HHATL: variants seen among roughly 807,000 people sequenced by gnomAD.
The protein encoded by HHATL is protein-cysteine N-palmitoyltransferase HHAT-like protein.
In HHATL, 49 loss-of-function variants were observed where a neutral mutation model predicts 59.7. That is an observed-to-expected ratio of 0.82 (90% CI 0.65 to 1.04). The LOEUF is 1.04. Ranked by LOEUF, HHATL falls within the 50% of genes least tolerant of loss-of-function variation. The pLI is 0.00. For missense variants in HHATL, 605 were observed against 650.8 expected (o/e 0.93, Z 0.77); for synonymous variants, 238 against 257.3 (o/e 0.93, Z 0.72).
chr3:42,700,847 G>C lies in HHATL; in HGVS notation c.-13-8C>G, dbSNP rs1007997797. ...CCCATAGCCTGGACAGGGCTGGGGAGACAGGTTGGGTGAGGGAATTACAGT... is the reference window on the plus strand; with the variant it reads ...CCCATAGCCTGGACAGGGCTGGGGACACAGGTTGGGTGAGGGAATTACAGT... On this transcript the variant is annotated splice_region_variant and splice_polypyrimidine_tract_variant and intron_variant, in intron 1 of 11. Transcript: ENST00000441594. The C allele has an allele frequency of 4.4e-6, 7 of 1,585,998 alleles. No homozygotes were observed. Among genetic ancestry groups the C allele is most frequent in the Non-Finnish European group, 4.3e-6 (5 of 1,155,546 alleles).
At chr3:42,700,862 G>A (rs771129248) in intron 1 of HHATL, 23 bp from the exon 2 acceptor site, 8 of 1,526,456 alleles carry the variant, frequency 5.2e-6, no homozygotes, top group Non-Finnish European at 7.3e-6. Flanking sequence ...GTTGGGTGAG[G>A]GAATTACAGT....
chr3:42,697,481 G>C (rs746349300), intron 7 of HHATL, 27 bp downstream of exon 7: 1 of 1,603,978 alleles, frequency 6.2e-7, no homozygotes, highest in Admixed American at 1.7e-5. Context: ...CGGCAGCCCT[G>C]CCCCCATTTC....
At chr3:42,699,916 G>A (rs573950285) in intron 2 of HHATL, 91 bp from the exon 3 acceptor site, 9 of 1,024,414 alleles carry the variant, frequency 8.8e-6, no homozygotes, top group Admixed American at 2.2e-5. Flanking sequence ...CCTGGGGAGC[G>A]AGGGCATCAG....
At position 42,699,157 on chromosome 3, in the gene HHATL, C is replaced by T. The variant is rs377329274; in HGVS notation, c.175-12G>A. 125 of 1,607,518 alleles carry T rather than the reference C, an allele frequency of 7.8e-5. No individual in the cohort carries two copies. Among genetic ancestry groups the T allele is most frequent in the East Asian group, 4.7e-4 (21 of 44,860 alleles). On this transcript the variant is annotated splice_polypyrimidine_tract_variant and intron_variant, in intron 3 of 11. Transcript: ENST00000441594. ...AAGTCAGCCACATCCTGGGGCAGTC[C>T]GGGGCAGAAGGAGGTGGGGCAGGTG...
In HHATL at chr3:42,696,849, G is replaced by C; in HGVS notation, c.1039C>G (p.Leu347Val). 1.2e-6 allele frequency: 2 copies of C among 1,614,068 alleles called. No homozygotes were observed. The highest frequency in any genetic ancestry group is 1.7e-6 in the Non-Finnish European group (2 of 1,179,968). Residue 347 changes from leucine (L) to valine (V), a missense_variant, in exon 9 of 12, where the codon CTT becomes GTT. Physicochemically the swap from Leu to Val is conservative, Grantham distance 32. Transcript: ENST00000441594. Reference sequence around the variant, plus strand: ...CACCCCACTCCTACTCACTTGCAAAGCCAGTCGTTGATGCCACGGTCAAAG... The same window carrying C: ...CACCCCACTCCTACTCACTTGCAAACCCAGTCGTTGATGCCACGGTCAAAG... ...THFDRGINDWLCKYVYNHIGG... is the reference protein window; with the variant it reads ...THFDRGINDWVCKYVYNHIGG...
Position 42,693,733 on chromosome 3 carries a change from G to T in HHATL, c.1132C>A (p.Leu378Met), listed in dbSNP as rs566301459. ...ATVATFAITT[L>M]WLGPCDIVYL... ...ACAATGTCACAAGGCCCAAGCCACA[G>T]TGTGGTGATGGCAAATGTGGCCACT... Residue 378 changes from leucine to methionine, a missense_variant, in exon 10 of 12, where the codon CTG becomes ATG. Leu to Met is a conservative substitution (Grantham distance 15). Transcript: ENST00000441594. 3 of 1,614,100 alleles carry T rather than the reference G, an allele frequency of 1.9e-6. No homozygotes were observed. In the African/African-American group the frequency reaches 4.0e-5, roughly 22 times the overall value.
At position 42,694,181 on chromosome 3, in the gene HHATL, C is replaced by T. The variant is rs1009623073; in HGVS notation, c.1047-363G>A. 1.5e-5 allele frequency: 4 copies of T among 272,340 alleles called. No individual in the cohort carries two copies. In the Admixed American group the frequency reaches 1.9e-4, roughly 13 times the overall value. The allele number at this position is 272,340 out of a possible 1,614,324, so 16.9% of individuals were successfully genotyped here. ...TGATTGACAGATTCCCCTATCCCTG[C>T]TCAAACCCAGCTCCGTCCTCATCTC... On this transcript the variant is annotated intron_variant, in intron 9 of 11. Coordinates refer to ENST00000441594, the MANE Select transcript of HHATL (RefSeq NM_020707.4).
chr3:42,700,038 GTA>G, intron 2 of HHATL, among the ~76,000 whole-genome samples: 1 of 151,664 alleles, frequency 6.6e-6, no homozygotes, highest in Non-Finnish European at 1.5e-5. Context: ...GGGTGTGTGT[GTA>G]TATGTCTGTG....
chr3:42,698,905 G>A lies in HHATL; in HGVS notation c.289-3C>T, dbSNP rs1301638868. The A allele has an allele frequency of 1.2e-6, 2 of 1,605,478 alleles. No individual in the cohort carries two copies. The highest frequency in any genetic ancestry group is 1.7e-5 in the Admixed American group (1 of 59,336). ...ACAGCATACATCCAGGAGCGGAGCT[G>A]TGGGCAGGGAGAAGGCTTCAGTTTC... On this transcript the variant is annotated splice_region_variant and splice_polypyrimidine_tract_variant and intron_variant, in intron 4 of 11. Transcript: ENST00000441594.
Position 42,693,056 on chromosome 3 carries a change from C to A in HHATL, c.1390+21G>T, listed in dbSNP as rs760234905. On this transcript the variant is annotated intron_variant, in intron 11 of 11. Transcript: ENST00000441594. ...GGCTGATGCCTGGCACCTTCTGTAT[C>A]CCCACACCCCTGTCCCTCACCTGTG... is the stretch of plus-strand genomic sequence containing the variant. 4 of 1,613,556 alleles carry A rather than the reference C, an allele frequency of 2.5e-6. No individual in the cohort carries two copies. In the South Asian group the frequency reaches 4.4e-5, roughly 18 times the overall value.
In HHATL at chr3:42,693,650, T is replaced by G. The variant is rs1319568322; in HGVS notation, c.1215A>C (p.Lys405Asn). Reference sequence around the variant, plus strand: ...GTGCTAGGGGCCCCCACTCTGCCAGTTTTTGCATCCAGAGCTCAAAGTTGA... The same window carrying G: ...GTGCTAGGGGCCCCCACTCTGCCAGGTTTTGCATCCAGAGCTCAAAGTTGA... ...FGLNFELWMQ[K>N]LAEWGPLARI... The change falls in exon 10 of 12, where the codon AAA (lysine) becomes AAC (asparagine). Residue 405 changes from lysine to asparagine, a missense_variant. Coordinates refer to ENST00000441594, the MANE Select transcript of HHATL (RefSeq NM_020707.4). 6.2e-7 allele frequency: 1 copy of G among 1,613,752 alleles called. No individual in the cohort carries two copies. Among genetic ancestry groups the G allele is most frequent in the Non-Finnish European group, 8.5e-7 (1 of 1,179,916 alleles).
chr3:42,693,191 T>A lies in HHATL; in HGVS notation c.1276A>T (p.Arg426Trp). Residue 426 changes from arginine (R) to tryptophan (W), a missense_variant, in exon 11 of 12, where the codon AGG (arginine) becomes TGG (tryptophan). Coordinates refer to ENST00000441594, the MANE Select transcript of HHATL (RefSeq NM_020707.4). ...EASLSVQMSRRVRALFGAMNF... is the reference protein window; with the variant it reads ...EASLSVQMSRWVRALFGAMNF... The stretch of plus-strand genomic sequence containing the variant: ...ATGGCTCCAAACAGGGCCCGGACCC[T>A]ACGGGACATCTGCACTGACAGAGAG... 2 of 1,614,134 alleles carry A rather than the reference T, an allele frequency of 1.2e-6. No individual in the cohort carries two copies. The highest frequency in any genetic ancestry group is 1.7e-6 in the Non-Finnish European group (2 of 1,180,018).
Position 42,701,122 on chromosome 3 carries a change from A to C in HHATL, c.-13-283T>G. The C allele has an allele frequency of 5.0e-6, 2 of 401,156 alleles. No individual in the cohort carries two copies. Among genetic ancestry groups the C allele is most frequent in the Non-Finnish European group, 9.2e-6 (2 of 218,288 alleles). The allele number at this position is 401,156 out of a possible 1,614,324, so 24.8% of individuals were successfully genotyped here. ...GCCTGCCTCCCTCACCTTCATTTAC[A>C]TCTTCATACCTTCCAGAGGCACCGG... On this transcript the variant is annotated intron_variant, in intron 1 of 11. Coordinates refer to ENST00000441594, the MANE Select transcript of HHATL (RefSeq NM_020707.4). The surrounding 1 kb of genome is among the most constrained non-coding windows in gnomAD (Gnocchi z 5.1).
rs2125847940 is a variant in HHATL, at chr3:42,693,238, A to G, written c.1249-20T>C. ...AGAGGCCTATCCGGTCCAGGAAAGC[A>G]TGGGCAGCGGGACAAGAGGCCAAAG... On this transcript the variant is annotated intron_variant, in intron 10 of 11. Transcript: ENST00000441594. 1 of 1,612,326 alleles carries G rather than the reference A, an allele frequency of 6.2e-7. No homozygotes were observed. Among genetic ancestry groups the G allele is most frequent in the Non-Finnish European group, 8.5e-7 (1 of 1,178,806 alleles).
intron 10 of HHATL, 51 bp from the exon 11 acceptor site, chr3:42,693,269 A>C: frequency 6.2e-7 from 1 of 1,602,264 alleles, no homozygotes; most frequent in African/African-American, 1.3e-5. Context: ...CAAAGGAAAG[A>C]GGACATGGTG....
chr3:42,698,942 G>A lies in HHATL; in HGVS notation c.289-40C>T, dbSNP rs146696390. 8,582 of 1,605,934 alleles carry A rather than the reference G, an allele frequency of 5.3e-3. 30 individuals carry two copies. Among genetic ancestry groups the A allele is most frequent in the Non-Finnish European group, 6.3e-3 (7,403 of 1,174,576 alleles). On this transcript the variant is annotated intron_variant, in intron 4 of 11. Coordinates refer to ENST00000441594, the MANE Select transcript of HHATL (RefSeq NM_020707.4). ...AAGGCTTCAGTTTCGCCATATAAAT[G>A]GGGGCGTGACCCCAGGAGGGGGTTC...
In HHATL at chr3:42,696,845, C is replaced by G. The variant is rs1466047392; in HGVS notation, c.1043G>C (p.Cys348Ser). The change falls in exon 9 of 12, where the codon TGC becomes TCC. Residue 348 changes from cysteine (C) to serine (S), a missense_variant. By Grantham distance (112) the Cys-to-Ser change is moderately radical. Transcript: ENST00000441594. ...CCCCCACCCCACTCCTACTCACTTGCAAAGCCAGTCGTTGATGCCACGGTC... is the reference window on the plus strand; with the variant it reads ...CCCCCACCCCACTCCTACTCACTTGGAAAGCCAGTCGTTGATGCCACGGTC... The part of the protein sequence containing the change: ...HFDRGINDWL[C>S]KYVYNHIGGE... 2 of 1,614,064 alleles carry G rather than the reference C, an allele frequency of 1.2e-6. No homozygotes were observed. The highest frequency in any genetic ancestry group is 2.2e-5 in the East Asian group (1 of 44,864).
At chr3:42,693,553 A>G in intron 10 of HHATL, 64 bp downstream of exon 10, 4 of 1,397,376 alleles carry the variant, frequency 2.9e-6, no homozygotes, top group Non-Finnish European at 3.0e-6. Flanking sequence ...AACTCCAGAA[A>G]GCAGCAGTGC....
At chr3:42,695,916 G>A (rs986637179) in intron 9 of HHATL, among the ~76,000 whole-genome samples, 18 of 152,010 alleles carry the variant, frequency 1.2e-4, no homozygotes, top group African/African-American at 4.1e-4. Flanking sequence ...ATTCTTCTTA[G>A]CATGTCCCAT....
Sources: allele counts gnomAD v4.1 joint callset (sites outside exome capture counted in the v4.1 genomes callset), GRCh38; gene constraint gnomAD v4.1.1; non-coding constraint Gnocchi (gnomAD v3.1); transcripts MANE v1.5; gene names NCBI Gene and HGNC (gene_info 2026-07-23, HGNC 2026-07-21).